HNRNPF: variants seen among roughly 807,000 people sequenced by gnomAD.
HNRNPF encodes the protein heterogeneous nuclear ribonucleoprotein F.
Under a neutral mutation model 26.0 loss-of-function variants are expected in HNRNPF, and 2 were observed. That is an observed-to-expected ratio of 0.08 (90% CI 0.03 to 0.24). The LOEUF (loss-of-function observed/expected upper bound fraction) is 0.24, where lower values mean the gene tolerates loss of function less well. Among genes scored for constraint, HNRNPF ranks in the 10% least tolerant of loss-of-function variants. The pLI is 1.00. For missense variants in HNRNPF, 299 were observed against 539.2 expected, an observed-to-expected ratio of 0.55 and a Z score of 4.41; for synonymous variants, 234 against 211.5, an observed-to-expected ratio of 1.11 and a Z score of -0.92.
intron 2 of HNRNPF, among the ~76,000 whole-genome samples, chr10:43,395,768 C>T (rs1838467194): frequency 1.3e-5 from 2 of 152,186 alleles, no homozygotes; most frequent in Admixed American, 6.5e-5. Context: ...TTTATCCCTG[C>T]GTGATCCACA....
At chr10:43,405,135 A>T (rs1838873256) in intron 1 of HNRNPF, among the ~76,000 whole-genome samples, 1 of 152,242 alleles carries the variant, frequency 6.6e-6, no homozygotes. Context: ...AAGATCATGG[A>T]GAAATGAAAA....
rs142711276 is a variant in HNRNPF at position 43,398,534 on chromosome 10, G to C, written c.-246-1944C>G. ...ATTTTTGTATTTTTAGTAGAGACAGGGTTTCACCATGTTGGTCAGGCTGGT... is the reference window on the plus strand; with the variant it reads ...ATTTTTGTATTTTTAGTAGAGACAGCGTTTCACCATGTTGGTCAGGCTGGT... On this transcript the variant is annotated intron_variant, in intron 1 of 3. Coordinates refer to ENST00000682386, the MANE Select transcript of HNRNPF (RefSeq NM_001098204.2). Among the ~76,000 whole-genome samples the C allele has an allele frequency of 7.1e-3, 1,071 of 151,830 alleles. 11 individuals are homozygous for C. Among genetic ancestry groups the C allele is most frequent in the African/African-American group, 0.025 (1,018 of 41,360 alleles).
intron 1 of HNRNPF, among the ~76,000 whole-genome samples, chr10:43,404,337 CA>C (rs2131990708): frequency 6.7e-6 from 1 of 149,082 alleles, no homozygotes; most frequent in East Asian, 2.0e-4. Flanking sequence ...AACAAAAGTA[CA>C]TCTTAGAGCG....
chr10:43,401,060 C>T (rs927044791), intron 1 of HNRNPF, among the ~76,000 whole-genome samples: 1 of 148,554 alleles, frequency 6.7e-6, no homozygotes, highest in African/African-American at 2.5e-5. Context: ...CCAGCCTGGG[C>T]GATAGAGCGA....
chr10:43,403,835 A>G (rs1838828042), intron 1 of HNRNPF, among the ~76,000 whole-genome samples: 1 of 151,588 alleles, frequency 6.6e-6, no homozygotes, highest in Admixed American at 6.6e-5. Flanking sequence ...TCTACAAAAA[A>G]TACAAAAAAA....
In HNRNPF at chr10:43,387,156, G is replaced by A. The variant is rs767730140; in HGVS notation, c.729C>T (p.Tyr243=). ...CATCACTGAGGCCACTGTACTCCTC[G>A]TAGCCCCCGTAGCCTGTGCTGTAGG... is the stretch of plus-strand genomic sequence containing the variant. ...PGAYSTGYGG[Y]EEYSGLSDGY... The change falls in exon 4 of 4, where the codon TAC becomes TAT. Residue 243 remains tyrosine, a synonymous_variant. Transcript: ENST00000682386. The surrounding 1 kb of genome is among the most constrained non-coding windows in gnomAD (Gnocchi z 6.0). 1.1e-5 allele frequency: 17 copies of A among 1,613,964 alleles called. No individual in the cohort carries two copies. Among genetic ancestry groups the A allele is most frequent in the South Asian group, 6.6e-5 (6 of 91,084 alleles).
At chr10:43,393,777 G>A (rs1351449360) in intron 3 of HNRNPF, among the ~76,000 whole-genome samples, 1 of 152,088 alleles carries the variant, frequency 6.6e-6, no homozygotes, top group Non-Finnish European at 1.5e-5. Context: ...ACTTTTGCCT[G>A]CAACACTCTT....
intron 3 of HNRNPF, among the ~76,000 whole-genome samples, chr10:43,393,751 T>TC (rs1282197140): frequency 6.6e-6 from 1 of 152,040 alleles, no homozygotes; most frequent in African/African-American, 2.4e-5. Flanking sequence ...CCCAATGGGG[T>TC]CCCTCAGGCC....
At chr10:43,390,205 T>C (rs1044412926) in intron 3 of HNRNPF, among the ~76,000 whole-genome samples, 6 of 152,014 alleles carry the variant, frequency 3.9e-5, no homozygotes, top group Non-Finnish European at 7.4e-5. Flanking sequence ...AAGTTTGTAT[T>C]GTGTCTCTTG....
chr10:43,390,780 C>A (rs909960961), intron 3 of HNRNPF, among the ~76,000 whole-genome samples: 1 of 152,152 alleles, frequency 6.6e-6, no homozygotes, highest in Non-Finnish European at 1.5e-5. Context: ...CGAAACGGTG[C>A]CTCTAAGCTA....
intron 1 of HNRNPF, among the ~76,000 whole-genome samples, chr10:43,400,652 A>T (rs529058788): frequency 6.6e-6 from 1 of 152,346 alleles, no homozygotes; most frequent in Non-Finnish European, 1.5e-5. Flanking sequence ...AAGAATTATG[A>T]TACAAGACAC....
chr10:43,388,016 C>CA, intron 3 of HNRNPF, 80 bp from the exon 4 acceptor site: 2 of 706,950 alleles, frequency 2.8e-6, no homozygotes, highest in Admixed American at 5.9e-5. Context: ...GGTAGCAAGA[C>CA]ATTAAGAAAT....
chr10:43,396,911 G>C (rs1289117053), intron 1 of HNRNPF: 4 of 147,778 alleles, frequency 2.7e-5, no homozygotes, highest in Admixed American at 2.7e-4. Flanking sequence ...GAGGGGAGGG[G>C]AGGGGAGGGG....
chr10:43,390,995 T>G (rs1838222062), intron 3 of HNRNPF, among the ~76,000 whole-genome samples: 1 of 151,968 alleles, frequency 6.6e-6, no homozygotes, highest in African/African-American at 2.4e-5. Context: ...TGCCCCCAAG[T>G]TGTGAAATAC....
At chr10:43,403,070 C>T (rs1253762043) in intron 1 of HNRNPF, among the ~76,000 whole-genome samples, 1 of 152,140 alleles carries the variant, frequency 6.6e-6, no homozygotes, top group Non-Finnish European at 1.5e-5. Context: ...ATCTTGAACT[C>T]CTGAGCTCAA....
At chr10:43,404,937 C>T (rs533987030) in intron 1 of HNRNPF, among the ~76,000 whole-genome samples, 2 of 152,200 alleles carry the variant, frequency 1.3e-5, no homozygotes, top group African/African-American at 4.8e-5. Context: ...CAGAAAAATG[C>T]GAAGTGTGGG....
chr10:43,388,426 T>C (rs1292367364), intron 3 of HNRNPF, among the ~76,000 whole-genome samples: 1 of 152,242 alleles, frequency 6.6e-6, no homozygotes. Flanking sequence ...TAAGATTTTC[T>C]AGTGTTCTCA....
chr10:43,399,008 TATAAA>T (rs1838664683), intron 1 of HNRNPF, among the ~76,000 whole-genome samples: 1 of 152,232 alleles, frequency 6.6e-6, no homozygotes. Context: ...ATGGTTATGT[TATAAA>T]ATAAAGCAAT....
chr10:43,403,821 C>T (rs1326134898), intron 1 of HNRNPF, among the ~76,000 whole-genome samples: 4 of 150,858 alleles, frequency 2.7e-5, no homozygotes, highest in African/African-American at 9.8e-5. Flanking sequence ...GGCAAAACCC[C>T]TTCTCTACAA....
Sources: allele counts gnomAD v4.1 joint callset (sites outside exome capture counted in the v4.1 genomes callset), GRCh38; gene constraint gnomAD v4.1.1; non-coding constraint Gnocchi (gnomAD v3.1); transcripts MANE v1.5; gene names NCBI Gene and HGNC (gene_info 2026-07-23, HGNC 2026-07-21).